ATP6V0A1: variants seen among roughly 807,000 people sequenced by gnomAD.
The protein encoded by ATP6V0A1 is V-type proton ATPase 116 kDa subunit a 1.
Under a neutral mutation model 105.4 loss-of-function variants are expected in ATP6V0A1, and 43 were observed. The ratio of observed to expected loss-of-function variants is 0.41; its 90% CI spans 0.32 to 0.53. The LOEUF is 0.53. Among genes scored for constraint, ATP6V0A1 ranks in the 20% least tolerant of loss-of-function variants. The pLI is 0.30. For missense variants in ATP6V0A1, 676 were observed against 1,051.1 expected, an observed-to-expected ratio of 0.64 and a Z score of 4.93; for synonymous variants, 362 against 372.8, an observed-to-expected ratio of 0.97 and a Z score of 0.33.
intron 19 of ATP6V0A1, 23 bp from the exon 20 acceptor site, chr17:42,513,838 T>G: frequency 6.2e-7 from 1 of 1,601,488 alleles, no homozygotes; most frequent in Non-Finnish European, 8.6e-7. Flanking sequence ...TTATATCTTC[T>G]CTCTGGTTTC....
chr17:42,506,418 G>A (rs1342759947), intron 17 of ATP6V0A1, among the ~76,000 whole-genome samples: 2 of 152,230 alleles, frequency 1.3e-5, no homozygotes, highest in Non-Finnish European at 2.9e-5. Context: ...GATCTGAGGT[G>A]GGCATTAAAC....
rs1189744950 is a variant in ATP6V0A1 at position 42,463,002 on chromosome 17, T to TC, written c.117+1991_117+1992insC. ...CACCCCAATCAGGATATGGAACTTT[T>TC]TTTTTTTTTTTTTTTTTTTTGGAGA... On this transcript the variant is annotated intron_variant, in intron 2 of 21. Coordinates refer to ENST00000343619, the MANE Select transcript of ATP6V0A1 (RefSeq NM_001130021.3). Among the ~76,000 whole-genome samples the TC allele has an allele frequency of 2.2e-5, 3 of 135,280 alleles. No individual in the cohort carries two copies. The East Asian group carries it at 6.3e-4, about 28-fold the overall frequency. 88.7% of individuals were successfully genotyped at this position (135,280 alleles called of 152,430 possible).
At chr17:42,494,720 C>T in intron 12 of ATP6V0A1, 1 of 512,078 alleles carries the variant, frequency 2.0e-6, no homozygotes, top group Non-Finnish European at 3.4e-6. Flanking sequence ...CCAGCATAGG[C>T]AACATAGTGA....
At chr17:42,474,824 A>AGTTATGAT (rs1567818392) in intron 5 of ATP6V0A1, among the ~76,000 whole-genome samples, 1 of 152,220 alleles carries the variant, frequency 6.6e-6, no homozygotes, top group Admixed American at 6.5e-5. Flanking sequence ...TAGGCATAGG[A>AGTTATGAT]GTTATGATTG....
At chr17:42,483,982 T>C (rs1185195098) in intron 9 of ATP6V0A1, among the ~76,000 whole-genome samples, 3 of 152,246 alleles carry the variant, frequency 2.0e-5, no homozygotes, top group Non-Finnish European at 4.4e-5. Context: ...CCTCCCAAGG[T>C]GCTGGGATTA....
intron 10 of ATP6V0A1, among the ~76,000 whole-genome samples, chr17:42,489,997 G>A (rs797006435): frequency 7.2e-5 from 11 of 152,320 alleles, no homozygotes; most frequent in African/African-American, 1.9e-4. Context: ...TGTCAGGGGC[G>A]TGCATGGGGG....
chr17:42,460,970 G>A lies in ATP6V0A1; in HGVS notation c.76G>A (p.Val26Ile). ...ACAGTCAGAGGCTGCTTATTGTTGT[G>A]TCAGTGAATTAGGAGAACTTGGAAA... ...FLQSEAAYCC[V>I]SELGELGKVQ... Residue 26 changes from valine (V) to isoleucine (I), a missense_variant, in exon 2 of 22, where the codon GTC becomes ATC. Coordinates refer to ENST00000343619, the MANE Select transcript of ATP6V0A1 (RefSeq NM_001130021.3). The A allele has an allele frequency of 6.2e-7, 1 of 1,614,120 alleles. No homozygotes were observed.
At chr17:42,480,018 G>T (rs1410935788) in intron 7 of ATP6V0A1, among the ~76,000 whole-genome samples, 1 of 152,090 alleles carries the variant, frequency 6.6e-6, no homozygotes, top group African/African-American at 2.4e-5. Flanking sequence ...CTAAAGTTTT[G>T]TTTGTTATTA....
At chr17:42,487,014 A>G in intron 9 of ATP6V0A1, 141 bp from the exon 10 acceptor site, 1 of 774,024 alleles carries the variant, frequency 1.3e-6, no homozygotes, top group Non-Finnish European at 2.0e-6. Flanking sequence ...ATTTGGAAAA[A>G]AGAAACCATT....
At chr17:42,520,342 T>A (rs1567880234) in intron 21 of ATP6V0A1, 1 of 432,618 alleles carries the variant, frequency 2.3e-6, no homozygotes, top group East Asian at 7.1e-5. Context: ...ACAGTCTTCC[T>A]CCCACCCTCC....
At chr17:42,516,373 G>T (rs1291051893) in intron 21 of ATP6V0A1, among the ~76,000 whole-genome samples, 1 of 152,130 alleles carries the variant, frequency 6.6e-6, no homozygotes, top group East Asian at 1.9e-4. Flanking sequence ...TGCTGCGTCA[G>T]TAGACCTGGC....
chr17:42,483,637 A>G lies in ATP6V0A1; in HGVS notation c.810+506A>G, dbSNP rs557868702. ...TGCTCTTTTGCCCAGGGTGGAGTGC[A>G]GTGGTGTGATCTTGGCTCACTGCAA... On this transcript the variant is annotated intron_variant, in intron 9 of 21. Coordinates refer to ENST00000343619, the MANE Select transcript of ATP6V0A1 (RefSeq NM_001130021.3). 8.5e-5 allele frequency among the ~76,000 whole-genome samples: 13 copies of G among 152,192 alleles called. No homozygotes were observed. In the South Asian group the frequency reaches 2.7e-3, roughly 32 times the overall value.
At chr17:42,504,028 G>A (rs1170295342) in intron 17 of ATP6V0A1, among the ~76,000 whole-genome samples, 3 of 152,082 alleles carry the variant, frequency 2.0e-5, no homozygotes, top group Non-Finnish European at 2.9e-5. Flanking sequence ...TAAGTCTTGC[G>A]ACTTCTTCTG....
intron 17 of ATP6V0A1, among the ~76,000 whole-genome samples, chr17:42,502,034 A>G (rs1242960820): frequency 6.6e-6 from 1 of 152,128 alleles, no homozygotes; most frequent in African/African-American, 2.4e-5. Context: ...CTCTGTCTCA[A>G]AAACAAAAAA....
intron 15 of ATP6V0A1, among the ~76,000 whole-genome samples, chr17:42,499,439 C>A (rs768305256): frequency 6.6e-5 from 10 of 151,696 alleles, no homozygotes; most frequent in Non-Finnish European, 1.3e-4. Flanking sequence ...CCACTGCACT[C>A]CAGCCTGAGC....
intron 15 of ATP6V0A1, among the ~76,000 whole-genome samples, chr17:42,499,348 A>G (rs2091470357): frequency 6.6e-6 from 1 of 151,796 alleles, no homozygotes; most frequent in African/African-American, 2.4e-5. Context: ...GCACGCGCCT[A>G]TATTCCCAGC....
chr17:42,491,514 ACT>A (rs2145982088), intron 11 of ATP6V0A1, among the ~76,000 whole-genome samples: 1 of 139,080 alleles, frequency 7.2e-6, no homozygotes, highest in African/African-American at 2.7e-5. Flanking sequence ...ACAGAGATTT[ACT>A]CTCGTTGCCC....
chr17:42,490,230 A>G (rs1038293075), intron 10 of ATP6V0A1, among the ~76,000 whole-genome samples: 2 of 152,244 alleles, frequency 1.3e-5, no homozygotes, highest in African/African-American at 4.8e-5. Flanking sequence ...TTTCACATTA[A>G]GGATGTATTT....
chr17:42,491,157 G>T (rs2090586959), intron 11 of ATP6V0A1, among the ~76,000 whole-genome samples: 1 of 152,110 alleles, frequency 6.6e-6, no homozygotes, highest in Admixed American at 6.6e-5. Context: ...GAAGCCTCCT[G>T]CTTCAGCCTC....
Sources: allele counts gnomAD v4.1 joint callset (sites outside exome capture counted in the v4.1 genomes callset), GRCh38; gene constraint gnomAD v4.1.1; transcripts MANE v1.5; gene names NCBI Gene and HGNC (gene_info 2026-07-23, HGNC 2026-07-21).